The following SH2D4B variants were observed in gnomAD, a reference collection of about 807,000 sequenced individuals.
SH2D4B encodes SH2 domain-containing protein 4B.
A neutral mutation model predicts 61.5 loss-of-function variants in SH2D4B; 45 were observed. That is an observed-to-expected ratio of 0.73 (90% CI 0.58 to 0.94). The LOEUF is 0.94. Among genes scored for constraint, SH2D4B ranks in the 40% least tolerant of loss-of-function variants. The pLI, the probability that SH2D4B is intolerant of heterozygous loss-of-function variation, is 0.00. For missense variants in SH2D4B, 572 were observed against 574.2 expected (o/e 1.00, Z 0.04); for synonymous variants, 224 against 220.4 (o/e 1.02, Z -0.14).
intron 6 of SH2D4B, among the ~76,000 whole-genome samples, chr10:80,619,173 C>T (rs762426079): frequency 5.3e-5 from 8 of 152,016 alleles, no homozygotes; most frequent in South Asian, 2.1e-4. Flanking sequence ...CACTGTTGGC[C>T]GCACTGAGGT....
chr10:80,603,512 TCC>T, intron 4 of SH2D4B, 65 bp from the exon 5 acceptor site: 1 of 1,382,376 alleles, frequency 7.2e-7, no homozygotes. Flanking sequence ...ATACTTCCTG[TCC>T]CAGCTGGCGC....
intron 3 of SH2D4B, among the ~76,000 whole-genome samples, chr10:80,575,266 A>G (rs2132121628): frequency 6.6e-6 from 1 of 152,088 alleles, no homozygotes; most frequent in East Asian, 1.9e-4. Flanking sequence ...ACACTCATAT[A>G]CACTTTGTTG....
chr10:80,585,504 C>T (rs1259096557), intron 3 of SH2D4B, among the ~76,000 whole-genome samples: 2 of 152,030 alleles, frequency 1.3e-5, no homozygotes, highest in African/African-American at 2.4e-5. Context: ...TTAGTAGAGA[C>T]GGGGTTTCAC....
intron 3 of SH2D4B, among the ~76,000 whole-genome samples, chr10:80,584,488 A>C (rs530265525): frequency 6.6e-6 from 1 of 152,358 alleles, no homozygotes; most frequent in African/African-American, 2.4e-5. Context: ...AGAAAAAATG[A>C]CTGGAAAGAA....
At chr10:80,624,877 T>A (rs1842753872) in intron 6 of SH2D4B, among the ~76,000 whole-genome samples, 3 of 152,220 alleles carry the variant, frequency 2.0e-5, no homozygotes, top group Non-Finnish European at 4.4e-5. Flanking sequence ...AAAATATTTT[T>A]AATATTAAAT....
intron 1 of SH2D4B, among the ~76,000 whole-genome samples, chr10:80,544,153 A>G (rs149060735): frequency 9.7e-4 from 148 of 152,230 alleles, no homozygotes; most frequent in African/African-American, 3.3e-3. Context: ...TATGAGCTGT[A>G]ACAGTCACTG....
intron 6 of SH2D4B, among the ~76,000 whole-genome samples, chr10:80,623,317 TCA>T (rs1443503585): frequency 6.6e-6 from 1 of 152,218 alleles, no homozygotes; most frequent in Non-Finnish European, 1.5e-5. Flanking sequence ...CTGTGAGGGC[TCA>T]GTCCTCGCTT....
intron 3 of SH2D4B, among the ~76,000 whole-genome samples, chr10:80,585,651 T>A (rs1399042338): frequency 6.6e-6 from 1 of 152,202 alleles, no homozygotes; most frequent in East Asian, 1.9e-4. Context: ...CAGTAAGATG[T>A]GGAGTTTACA....
At chr10:80,582,466 T>G (rs768729688) in intron 3 of SH2D4B, among the ~76,000 whole-genome samples, 1 of 152,196 alleles carries the variant, frequency 6.6e-6, no homozygotes, top group Non-Finnish European at 1.5e-5. Context: ...AAGGGCTTCA[T>G]CTGGTTGCTA....
chr10:80,626,340 C>A (rs1264994028), intron 6 of SH2D4B, among the ~76,000 whole-genome samples: 1 of 152,188 alleles, frequency 6.6e-6, no homozygotes, highest in African/African-American at 2.4e-5. Context: ...ATGGTTGCAA[C>A]TGAGAAGTCT....
In SH2D4B at chr10:80,572,974, ATATATATATATATTTTTTTTTTTTTTTT is replaced by A. The variant is rs1468964992; in HGVS notation, c.495+1398_495+1425del. 1.6e-3 allele frequency among the ~76,000 whole-genome samples: 12 copies of A among 7,680 alleles called. 1 individual carries two copies. The East Asian group carries it at 0.049, about 31-fold the overall frequency. The allele number at this position is 7,680 out of a possible 152,430, so 5.0% of individuals were successfully genotyped here. A position where few individuals can be genotyped will look rare whatever the true frequency, so the allele number is the denominator to read the frequency against. On this transcript the variant is annotated intron_variant, in intron 3 of 7. Coordinates refer to ENST00000646907, the MANE Select transcript of SH2D4B (RefSeq NM_001388272.1). ...TATATATATATATATATATATATAT[ATATATATATATATTTTTTTTTTTTTTTT>A]TTTTTTTTTTTTTTGAGACGGAGTC... is the stretch of plus-strand genomic sequence containing the variant.
chr10:80,591,356 A>T (rs923161655), intron 4 of SH2D4B, among the ~76,000 whole-genome samples: 1 of 152,082 alleles, frequency 6.6e-6, no homozygotes, highest in African/African-American at 2.4e-5. Context: ...AAGAAAATAA[A>T]TCTATTTCTT....
intron 1 of SH2D4B, among the ~76,000 whole-genome samples, chr10:80,548,649 G>A (rs977886030): frequency 1.3e-5 from 2 of 152,222 alleles, no homozygotes; most frequent in African/African-American, 4.8e-5. Flanking sequence ...TCTTCAACAA[G>A]GGGGACAGCT....
chr10:80,640,578 A>T (rs1368509670), intron 7 of SH2D4B, among the ~76,000 whole-genome samples: 1 of 152,172 alleles, frequency 6.6e-6, no homozygotes, highest in East Asian at 1.9e-4. Context: ...ACTTGATCAA[A>T]TTGGCTATTG....
At chr10:80,628,997 C>T (rs1248136703) in intron 6 of SH2D4B, among the ~76,000 whole-genome samples, 1 of 148,372 alleles carries the variant, frequency 6.7e-6, no homozygotes, top group Non-Finnish European at 1.5e-5. Flanking sequence ...GTCACTGCAC[C>T]CCAGCCTGGG....
chr10:80,570,087 G>A lies in SH2D4B; in HGVS notation c.185-67G>A, dbSNP rs1050544280. On this transcript the variant is annotated intron_variant, in intron 1 of 7. Coordinates refer to ENST00000646907, the MANE Select transcript of SH2D4B (RefSeq NM_001388272.1). The stretch of plus-strand genomic sequence containing the variant: ...TGATGTGATGGTTGTTTACCACTGG[G>A]CAGCTTAGGTCATTCCTTACTGATT... 1.0e-5 allele frequency: 16 copies of A among 1,579,010 alleles called. No homozygotes were observed. The African/African-American group carries it at 1.5e-4, about 15-fold the overall frequency.
chr10:80,609,506 G>A lies in SH2D4B; in HGVS notation c.943G>A (p.Ala315Thr), dbSNP rs1467461533. The A allele has an allele frequency of 1.2e-6, 2 of 1,614,232 alleles. No homozygotes were observed. Among genetic ancestry groups the A allele is most frequent in the Non-Finnish European group, 1.7e-6 (2 of 1,180,038 alleles). ...WFKEEQLPRR[A>T]GFERNTKFIA... is the part of the protein sequence containing the mutation. ...TAAGGAGGAGCAGCTGCCTCGCCGA[G>A]CTGGCTTCGAGAGGAACACCAAGTT... is the stretch of plus-strand genomic sequence containing the variant. Residue 315 changes from alanine (A) to threonine (T), a missense_variant, in exon 6 of 8, where the codon GCT (alanine) becomes ACT (threonine). Ala to Thr is a moderately conservative substitution (Grantham distance 58). Coordinates refer to ENST00000646907, the MANE Select transcript of SH2D4B (RefSeq NM_001388272.1).
intron 5 of SH2D4B, among the ~76,000 whole-genome samples, chr10:80,605,215 T>A (rs1168299332): frequency 6.6e-6 from 1 of 152,214 alleles, no homozygotes; most frequent in African/African-American, 2.4e-5. Flanking sequence ...TTCTGCACTT[T>A]GATTGCTTTC....
At chr10:80,614,851 A>G (rs997799955) in intron 6 of SH2D4B, among the ~76,000 whole-genome samples, 2 of 152,200 alleles carry the variant, frequency 1.3e-5, no homozygotes, top group African/African-American at 4.8e-5. Context: ...AGGACTGAGG[A>G]TGTTCTCCAC....
Sources: gnomAD v4.1 joint callset for allele counts (sites outside exome capture counted in the v4.1 genomes callset) on GRCh38, gnomAD v4.1.1 for gene constraint, MANE v1.5 for transcripts, NCBI Gene and HGNC (gene_info 2026-07-23, HGNC 2026-07-21) for gene names.